Variants in LARGE1 observed in about 807,000 individuals in gnomAD.
LARGE1 encodes the protein LARGE xylosyl- and glucuronyltransferase 1.
A neutral mutation model predicts 87.6 loss-of-function variants in LARGE1; 43 were observed. That is an observed-to-expected ratio of 0.49 (90% CI 0.38 to 0.63). LARGE1 has a LOEUF of 0.63. LARGE1 is among the 30% of genes least tolerant of loss of function. The pLI is 0.00. For synonymous variants in LARGE1, 434 were observed against 394.6 expected, an observed-to-expected ratio of 1.10 and a Z score of -1.18; for missense variants, 802 against 1,000.2, an observed-to-expected ratio of 0.80 and a Z score of 2.67.
chr22:33,905,093 T>C (rs1423616835), intron 1 of LARGE1, among the ~76,000 whole-genome samples: 2 of 140,914 alleles, frequency 1.4e-5, no homozygotes, highest in African/African-American at 5.3e-5. Context: ...TGAGACAGCA[T>C]CTTGCTCTGT....
At chr22:33,907,995 GC>G (rs1430547652) in intron 1 of LARGE1, among the ~76,000 whole-genome samples, 1 of 152,162 alleles carries the variant, frequency 6.6e-6, no homozygotes, top group African/African-American at 2.4e-5. Flanking sequence ...CCCCAGGAAT[GC>G]CCAATGGCCA....
At chr22:33,610,453 A>G (rs754025302) in intron 4 of LARGE1, among the ~76,000 whole-genome samples, 3 of 152,198 alleles carry the variant, frequency 2.0e-5, no homozygotes, top group Non-Finnish European at 4.4e-5. Context: ...GATCTGTGGA[A>G]GTTTTAACTT....
rs1601687163 is a variant in LARGE1, at chr22:33,816,787, T to C, written c.-82-55229A>G. 2.6e-5 allele frequency among the ~76,000 whole-genome samples: 4 copies of C among 152,194 alleles called. No individual in the cohort carries two copies. In the South Asian group the frequency reaches 8.3e-4, roughly 32 times the overall value. On this transcript the variant is annotated intron_variant, in intron 1 of 14. Coordinates refer to ENST00000397394, the MANE Select transcript of LARGE1 (RefSeq NM_133642.5). ...AATGTTTTTGGGGCCAAGATTCAAA[T>C]TCAGGCATATCTGGCCACCAAAATT...
chr22:33,282,749 A>C (rs1208533863), intron 13 of LARGE1, among the ~76,000 whole-genome samples: 3 of 152,204 alleles, frequency 2.0e-5, no homozygotes, highest in Non-Finnish European at 2.9e-5. Context: ...CAGGGGCTCA[A>C]AGAACAGACC....
At position 33,464,914 on chromosome 22, in the gene LARGE1, T is replaced by C. The variant is rs568678589; in HGVS notation, c.788-32649A>G. Among the ~76,000 whole-genome samples the C allele has an allele frequency of 5.0e-3, 711 of 142,866 alleles. 8 individuals carry two copies. Among genetic ancestry groups the C allele is most frequent in the African/African-American group, 0.02 (680 of 33,818 alleles). 93.7% of individuals were successfully genotyped at this position (142,866 alleles called of 152,430 possible). On this transcript the variant is annotated intron_variant, in intron 6 of 14. Transcript: ENST00000397394. ...ACATACACACACACACACATACACA[T>C]GCACACATACATGCACGTACACATA...
the LARGE1 span, among the ~76,000 whole-genome samples, chr22:33,074,811 G>T: frequency 6.6e-6 from 1 of 152,172 alleles, no homozygotes; most frequent in African/African-American, 2.4e-5. Context: ...GGGGGTCCTT[G>T]CCCCAGGGGC....
At chr22:33,200,853 G>T (rs1924345522) in intron 11 of LARGE1, among the ~76,000 whole-genome samples, 1 of 152,144 alleles carries the variant, frequency 6.6e-6, no homozygotes, top group Admixed American at 6.5e-5. Flanking sequence ...ATTCTTTGGG[G>T]GATGATGAAA....
In LARGE1 at chr22:33,550,142, T is replaced by TACACACACAC. The variant is rs5845093; in HGVS notation, c.787+14696_787+14705dup. ...CACATGTACCCTAGAACTTAAAGTA[T>TACACACACAC]ACACACACACACACACACACACACA... On this transcript the variant is annotated intron_variant, in intron 6 of 14. Transcript: ENST00000397394. 7.4e-3 allele frequency among the ~76,000 whole-genome samples: 1,048 copies of TACACACACAC among 142,262 alleles called. 9 individuals are homozygous for TACACACACAC. The highest frequency in any genetic ancestry group is 0.011 in the Non-Finnish European group (711 of 65,494). 93.3% of individuals were successfully genotyped at this position (142,262 alleles called of 152,430 possible). A position where few individuals can be genotyped will look rare whatever the true frequency, so the allele number is the denominator to read the frequency against.
chr22:33,279,565 T>C (rs1333362962), intron 13 of LARGE1, among the ~76,000 whole-genome samples: 2 of 152,202 alleles, frequency 1.3e-5, no homozygotes, highest in African/African-American at 4.8e-5. Context: ...TTGATCAAGT[T>C]GTGCTGTTGG....
At position 33,920,081 on chromosome 22, in the gene LARGE1, C is replaced by G. The variant is rs2065901938; in HGVS notation, c.-169G>C. 6.6e-6 allele frequency: 1 copy of G among 151,922 alleles called. No individual in the cohort carries two copies. 9.4% of individuals were successfully genotyped at this position (151,922 alleles called of 1,614,324 possible). ...CGCCGCCTACGAGGCGCAGGGGGTCCGGGTCAGGGTCCCGGCAGGCGCTGC... is the reference window on the plus strand; with the variant it reads ...CGCCGCCTACGAGGCGCAGGGGGTCGGGGTCAGGGTCCCGGCAGGCGCTGC... On this transcript the variant is annotated 5_prime_UTR_variant, in exon 1 of 15. Coordinates refer to ENST00000397394, the MANE Select transcript of LARGE1 (RefSeq NM_133642.5).
chr22:33,765,000 G>C (rs960736446), intron 1 of LARGE1, among the ~76,000 whole-genome samples: 3 of 152,066 alleles, frequency 2.0e-5, no homozygotes, highest in South Asian at 2.1e-4. Flanking sequence ...CACAATTTTT[G>C]TTTTCACAGT....
chr22:33,748,049 A>AAAG lies in LARGE1; in HGVS notation c.106+13321_106+13322insCTT, dbSNP rs1368001337. On this transcript the variant is annotated intron_variant, in intron 2 of 14. Coordinates refer to ENST00000397394, the MANE Select transcript of LARGE1 (RefSeq NM_133642.5). Reference sequence around the variant, plus strand: ...CAAAAAAAAAAAAAAAAAAAAAAAAAAAAGCCAACTATCCATTATCTAAGG... The same window carrying AAAG: ...CAAAAAAAAAAAAAAAAAAAAAAAAAAAGAAAGCCAACTATCCATTATCTAAGG... Among the ~76,000 whole-genome samples the AAAG allele has an allele frequency of 5.3e-5, 8 of 149,646 alleles. 1 individual carries two copies. The highest frequency in any genetic ancestry group is 2.0e-4 in the African/African-American group (8 of 40,570).
intron 7 of LARGE1, among the ~76,000 whole-genome samples, chr22:33,390,087 C>T (rs548825035): frequency 6.6e-6 from 1 of 152,276 alleles, no homozygotes; most frequent in African/African-American, 2.4e-5. Context: ...TGGCACTCTG[C>T]CATAAAACAA....
At chr22:33,154,981 T>C in the LARGE1 span, among the ~76,000 whole-genome samples, 64,558 of 151,972 alleles carry the variant, frequency 0.42, 14,139 homozygotes, top group South Asian at 0.68. Flanking sequence ...AGCTTCTTCT[T>C]TTGTCTGCTG....
At chr22:33,660,095 T>G (rs1422512498) in intron 2 of LARGE1, among the ~76,000 whole-genome samples, 7,072 of 146,080 alleles carry the variant, frequency 0.048, 541 homozygotes, top group African/African-American at 0.17. Flanking sequence ...TGTGTGTTTT[T>G]TTTTTTTTTT....
chr22:33,673,700 T>A (rs1355411893), intron 2 of LARGE1, among the ~76,000 whole-genome samples: 1 of 152,064 alleles, frequency 6.6e-6, no homozygotes, highest in Non-Finnish European at 1.5e-5. Context: ...TTCTTTTTTA[T>A]TTTTATTTTT....
intron 6 of LARGE1, among the ~76,000 whole-genome samples, chr22:33,484,609 G>A (rs1203017085): frequency 1.3e-5 from 2 of 152,172 alleles, no homozygotes; most frequent in Non-Finnish European, 2.9e-5. Context: ...GTGCTTCCAC[G>A]ACAGGAGAGC....
chr22:33,215,723 G>A (rs973625831), intron 11 of LARGE1, among the ~76,000 whole-genome samples: 10 of 152,142 alleles, frequency 6.6e-5, no homozygotes, highest in South Asian at 2.1e-4. Flanking sequence ...TTGGGAGGCC[G>A]AGACAAGTGG....
intron 1 of LARGE1, among the ~76,000 whole-genome samples, chr22:33,915,271 C>T (rs1406455754): frequency 2.0e-5 from 3 of 152,174 alleles, no homozygotes; most frequent in Non-Finnish European, 4.4e-5. Context: ...CCCACCTACC[C>T]TCCCATTCTC....
Sources: gnomAD v4.1 joint callset for allele counts (sites outside exome capture counted in the v4.1 genomes callset) on GRCh38, gnomAD v4.1.1 for gene constraint, MANE v1.5 for transcripts, NCBI Gene and HGNC (gene_info 2026-07-23, HGNC 2026-07-21) for gene names.